TNNI3K: variants seen among roughly 807,000 people sequenced by gnomAD.
TNNI3K encodes the protein TNNI3 interacting kinase.
TNNI3K carries 140 observed loss-of-function variants against 114.5 expected under a neutral mutation model. That is an observed-to-expected ratio of 1.22 (90% CI 1.07 to 1.41). The LOEUF is 1.41. Among genes scored for constraint, TNNI3K ranks in the 40% most tolerant of loss-of-function variants. The pLI, the probability that TNNI3K is intolerant of heterozygous loss-of-function variation, is 0.00. For missense variants in TNNI3K, 1,125 were observed against 1,007.6 expected (o/e 1.12, Z -1.58); for synonymous variants, 347 against 347.5 (o/e 1.00, Z 0.02).
chr1:74,315,247 C>A (rs1659242903), intron 5 of TNNI3K, among the ~76,000 whole-genome samples: 1 of 152,092 alleles, frequency 6.6e-6, no homozygotes, highest in Non-Finnish European at 1.5e-5. Context: ...TGACCAGAAA[C>A]AGTGAAGATT....
intron 21 of TNNI3K, among the ~76,000 whole-genome samples, chr1:74,465,765 G>T (rs545942856): frequency 6.6e-6 from 1 of 152,190 alleles, no homozygotes; most frequent in East Asian, 1.9e-4. Flanking sequence ...TATCTAGAGG[G>T]TTGTAAATGC....
chr1:74,462,906 T>C (rs547142922), intron 20 of TNNI3K, among the ~76,000 whole-genome samples: 1 of 152,310 alleles, frequency 6.6e-6, no homozygotes, highest in African/African-American at 2.4e-5. Flanking sequence ...GTTTTAAAAA[T>C]AATAACTACT....
intron 7 of TNNI3K, among the ~76,000 whole-genome samples, chr1:74,336,778 C>A (rs951213374): frequency 6.6e-6 from 1 of 151,168 alleles, no homozygotes; most frequent in Non-Finnish European, 1.5e-5. Context: ...GGTTCCAAGT[C>A]TTTGCTATTG....
intron 23 of TNNI3K, among the ~76,000 whole-genome samples, chr1:74,495,003 AATCTAGAG>A (rs1408682918): frequency 6.6e-6 from 1 of 152,226 alleles, no homozygotes; most frequent in Non-Finnish European, 1.5e-5. Context: ...AGCCTTCAAG[AATCTAGAG>A]ATGTATACCA....
At position 74,441,628 on chromosome 1, in the gene TNNI3K, T is replaced by A. The variant is rs112011066; in HGVS notation, c.2011+2006T>A. On this transcript the variant is annotated intron_variant, in intron 20 of 24. Transcript: ENST00000326637. ...GTAGTCGGTGAGAATTTCAGTTGTT[T>A]CACGTCCTTGCCAGCACTTTGAGTT... Among the ~76,000 whole-genome samples the A allele has an allele frequency of 2.7e-3, 409 of 152,260 alleles. 3 individuals carry two copies. Among genetic ancestry groups the A allele is most frequent in the African/African-American group, 9.4e-3 (392 of 41,574 alleles).
chr1:74,285,358 C>G (rs753034273), intron 5 of TNNI3K, among the ~76,000 whole-genome samples: 1 of 152,158 alleles, frequency 6.6e-6, no homozygotes, highest in Non-Finnish European at 1.5e-5. Context: ...AAAACATGCT[C>G]TAAATTAAAT....
At chr1:74,328,645 T>G (rs1660040470) in intron 5 of TNNI3K, among the ~76,000 whole-genome samples, 1 of 152,150 alleles carries the variant, frequency 6.6e-6, no homozygotes, top group Non-Finnish European at 1.5e-5. Context: ...TTTTGACACT[T>G]TCTCAGAAAA....
intron 2 of TNNI3K, among the ~76,000 whole-genome samples, chr1:74,243,281 C>A (rs1051401620): frequency 6.6e-6 from 1 of 152,040 alleles, no homozygotes; most frequent in Non-Finnish European, 1.5e-5. Context: ...CTGGATATTT[C>A]TTGGAGATAT....
chr1:74,378,421 G>A (rs950673420), intron 17 of TNNI3K, among the ~76,000 whole-genome samples: 2 of 150,936 alleles, frequency 1.3e-5, no homozygotes, highest in South Asian at 4.2e-4. Context: ...AAGTTGTTGA[G>A]GCGGTCCCTA....
At chr1:74,249,379 A>T in intron 2 of TNNI3K, 80 bp from the exon 3 acceptor site, 1 of 1,408,464 alleles carries the variant, frequency 7.1e-7, no homozygotes, top group Non-Finnish European at 9.7e-7. Flanking sequence ...TAGTAACAGG[A>T]TTTGCATTTA....
At chr1:74,374,463 A>C (rs1001445537) in intron 17 of TNNI3K, 5 of 151,980 alleles carry the variant, frequency 3.3e-5, no homozygotes, top group Non-Finnish European at 7.4e-5. Flanking sequence ...TACTGTAACA[A>C]CAACAACAGC....
At chr1:74,302,422 A>C (rs912059579) in intron 5 of TNNI3K, among the ~76,000 whole-genome samples, 1 of 152,226 alleles carries the variant, frequency 6.6e-6, no homozygotes, top group Non-Finnish European at 1.5e-5. Context: ...TTAAATCAAA[A>C]GCTAGAATAA....
intron 20 of TNNI3K, among the ~76,000 whole-genome samples, chr1:74,441,063 A>G (rs373604378): frequency 1.1e-4 from 17 of 152,184 alleles, no homozygotes; most frequent in Middle Eastern, 3.4e-3. Context: ...AACCACTGCA[A>G]TAGTCTTTTT....
chr1:74,342,731 A>G, intron 7 of TNNI3K, 111 bp from the exon 8 acceptor site: 1 of 1,371,324 alleles, frequency 7.3e-7, no homozygotes, highest in African/African-American at 1.5e-5. Flanking sequence ...ATTAACTGGC[A>G]ATTTCCAGGA....
intron 5 of TNNI3K, among the ~76,000 whole-genome samples, chr1:74,330,951 A>G (rs896858022): frequency 5.3e-5 from 8 of 152,340 alleles, no homozygotes; most frequent in Non-Finnish European, 1.0e-4. Context: ...AAATAGAAAA[A>G]TGTTCTAAAT....
At chr1:74,536,951 A>G (rs992434739) in intron 23 of TNNI3K, among the ~76,000 whole-genome samples, 1 of 152,172 alleles carries the variant, frequency 6.6e-6, no homozygotes, top group Admixed American at 6.6e-5. Context: ...CTGGATGCAC[A>G]TGGGTGGAAA....
At chr1:74,464,814 T>A in intron 21 of TNNI3K, 2 of 1,492,424 alleles carry the variant, frequency 1.3e-6, no homozygotes, top group Non-Finnish European at 1.8e-6. Context: ...ACTACCAAAA[T>A]GTTAGCTCCA....
intron 23 of TNNI3K, among the ~76,000 whole-genome samples, chr1:74,529,662 A>G (rs1357755988): frequency 6.6e-6 from 1 of 152,218 alleles, no homozygotes; most frequent in East Asian, 1.9e-4. Flanking sequence ...AGTATTTGGG[A>G]GATGATGGGC....
intron 20 of TNNI3K, among the ~76,000 whole-genome samples, chr1:74,457,619 A>G (rs373214349): frequency 6.6e-6 from 1 of 152,198 alleles, no homozygotes; most frequent in East Asian, 1.9e-4. Flanking sequence ...AAAAATTAAG[A>G]TACTTCTGGC....
Sources: allele counts gnomAD v4.1 joint callset (sites outside exome capture counted in the v4.1 genomes callset), GRCh38; gene constraint gnomAD v4.1.1; transcripts MANE v1.5; gene names NCBI Gene and HGNC (gene_info 2026-07-23, HGNC 2026-07-21).